The following POU2F2 variants were observed in gnomAD, a reference collection of about 807,000 sequenced individuals.
The protein encoded by POU2F2 is POU domain, class 2, transcription factor 2.
Under a neutral mutation model 63.5 loss-of-function variants are expected in POU2F2, and 14 were observed. That is an observed-to-expected ratio of 0.22 (90% CI 0.15 to 0.34). The LOEUF (loss-of-function observed/expected upper bound fraction) is 0.34, where lower values mean the gene tolerates loss of function less well. POU2F2 is among the 10% of genes least tolerant of loss of function. POU2F2 has a pLI of 1.00. For synonymous variants in POU2F2, 306 were observed against 348.6 expected (o/e 0.88, Z 1.36); for missense variants, 607 against 815.2 (o/e 0.74, Z 3.11).
chr19:42,095,263 C>T lies in POU2F2; in HGVS notation c.1197+23G>A. On this transcript the variant is annotated intron_variant, in intron 11 of 14. Coordinates refer to ENST00000692977, the MANE Select transcript of POU2F2 (RefSeq NM_001394376.1). This position sits in a 1 kb window ranked among gnomAD's most constrained non-coding sequence, Gnocchi z 7.1. ...CCTGCGGAGCTCTGTGGTCTCCCCACCCCCCAGGCGGGCTCTTGGTACCAT... is the reference window on the plus strand; with the variant it reads ...CCTGCGGAGCTCTGTGGTCTCCCCATCCCCCAGGCGGGCTCTTGGTACCAT... 1 of 1,602,132 alleles carries T rather than the reference C, an allele frequency of 6.2e-7. No individual in the cohort carries two copies. Among genetic ancestry groups the T allele is most frequent in the East Asian group, 2.2e-5 (1 of 44,662 alleles).
intron 1 of POU2F2, among the ~76,000 whole-genome samples, chr19:42,195,023 G>A (rs1364469058): frequency 1.2e-5 from 1 of 81,030 alleles, no homozygotes; most frequent in African/African-American, 4.7e-5. Context: ...GGGAGGGAGG[G>A]AGGAACGAAG....
At chr19:42,146,602 C>T (rs1275561958) in intron 2 of POU2F2, among the ~76,000 whole-genome samples, 2 of 152,098 alleles carry the variant, frequency 1.3e-5, no homozygotes, top group East Asian at 3.9e-4. Context: ...AATCTACTCG[C>T]TCCCTACACC....
rs556462678 is a variant in POU2F2, at chr19:42,187,907, C to T, written c.-70+8476G>A. Among the ~76,000 whole-genome samples the T allele has an allele frequency of 2.8e-4, 43 of 152,098 alleles. No homozygotes were observed. In the South Asian group the frequency reaches 6.4e-3, roughly 23 times the overall value. On this transcript the variant is annotated intron_variant, in intron 1 of 5. Coordinates refer to the POU2F2 transcript ENST00000532176. ...GGCCACCCCTAAGAGGTCCCAGTGA[C>T]CCCTGCCTCCTGATACTCATGTCCT...
chr19:42,117,323 G>A lies in POU2F2; in HGVS notation c.296C>T (p.Pro99Leu), dbSNP rs1189385113. The A allele has an allele frequency of 4.6e-6, 7 of 1,526,896 alleles. No individual in the cohort carries two copies. The highest frequency in any genetic ancestry group is 5.2e-6 in the Non-Finnish European group (6 of 1,148,874). The allele number at this position is 1,526,896 out of a possible 1,614,324, so 94.6% of individuals were successfully genotyped here. A position where few individuals can be genotyped will look rare whatever the true frequency, so the allele number is the denominator to read the frequency against. ...DPSGDSAPAA[P>L]LPPQPAQPHL... ...AGGCTGGGCCGGCTGAGGGGGCAGG[G>A]GTGCTGCTGGGGCTGAATCGCCACT... The change falls in exon 5 of 15, where the codon CCC becomes CTC. Residue 99 changes from proline (P) to leucine (L), a missense_variant. This residue lies in a region of POU2F2 where 224 missense variants were observed against 264.3 expected (regional missense o/e 0.85). Transcript: ENST00000692977. This position sits in a 1 kb window ranked among gnomAD's most constrained non-coding sequence, Gnocchi z 4.4.
chr19:42,111,337 G>A (rs1391192581), intron 5 of POU2F2, among the ~76,000 whole-genome samples: 1 of 151,470 alleles, frequency 6.6e-6, no homozygotes, highest in African/African-American at 2.4e-5. Context: ...GGCTAGTCTC[G>A]AACTCGCCTC....
At chr19:42,166,835 G>A (rs1208839306) in intron 1 of POU2F2, among the ~76,000 whole-genome samples, 2 of 152,102 alleles carry the variant, frequency 1.3e-5, no homozygotes, top group Non-Finnish European at 2.9e-5. Flanking sequence ...TGCTCACCCT[G>A]AAGGTGAGCT....
Position 42,163,643 on chromosome 19 carries a change from C to T in POU2F2, c.-69-3251G>A, listed in dbSNP as rs562413148. Among the ~76,000 whole-genome samples the T allele has an allele frequency of 2.0e-5, 3 of 152,284 alleles. No homozygotes were observed. The East Asian group carries it at 5.8e-4, about 29-fold the overall frequency. Reference sequence around the variant, plus strand: ...TCCCTCAGTCCCTCCCTGAGGGAGGCCAGGGACTGTTGCTGGCACCCAAGT... The same window carrying T: ...TCCCTCAGTCCCTCCCTGAGGGAGGTCAGGGACTGTTGCTGGCACCCAAGT... On this transcript the variant is annotated intron_variant, in intron 1 of 6. Coordinates refer to the POU2F2 transcript ENST00000524801.
rs2076687927 is a variant in POU2F2 at position 42,090,924 on chromosome 19, T to C, written c.*333A>G. ...GTCGTAGCAGTGAGGGTGAGCACGC[T>C]GAGGTCTGGCTCGCGACTGGTTTTT... On this transcript the variant is annotated 3_prime_UTR_variant, in exon 15 of 15. Coordinates refer to ENST00000692977, the MANE Select transcript of POU2F2 (RefSeq NM_001394376.1). The surrounding 1 kb of genome is among the most constrained non-coding windows in gnomAD (Gnocchi z 4.4). The C allele has an allele frequency of 4.8e-6, 1 of 208,592 alleles. No homozygotes were observed. Among genetic ancestry groups the C allele is most frequent in the East Asian group, 1.2e-4 (1 of 8,558 alleles). The allele number at this position is 208,592 out of a possible 1,614,324, so 12.9% of individuals were successfully genotyped here.
intron 1 of POU2F2, among the ~76,000 whole-genome samples, chr19:42,192,523 G>C (rs1362109578): frequency 6.6e-6 from 1 of 152,184 alleles, no homozygotes; most frequent in Non-Finnish European, 1.5e-5. Context: ...GAGGGAAACA[G>C]AAAAGTCTAC....
At chr19:42,195,593 A>G (rs867528776) in intron 1 of POU2F2, among the ~76,000 whole-genome samples, 13 of 151,192 alleles carry the variant, frequency 8.6e-5, no homozygotes, top group African/African-American at 2.7e-4. Flanking sequence ...CAGCCTCTCA[A>G]AGTGCTAGGA....
chr19:42,187,297 C>G (rs2035022822), intron 1 of POU2F2, among the ~76,000 whole-genome samples: 1 of 152,060 alleles, frequency 6.6e-6, no homozygotes, highest in Admixed American at 6.5e-5. Flanking sequence ...AACCCCGTCT[C>G]TACTAAAAAT....
At chr19:42,120,320 A>G (rs532442798) in intron 4 of POU2F2, among the ~76,000 whole-genome samples, 1 of 151,332 alleles carries the variant, frequency 6.6e-6, no homozygotes, top group Admixed American at 6.6e-5. Flanking sequence ...GGGCACAAGC[A>G]ATTCTCCACA....
At chr19:42,150,290 G>A (rs115123972) in intron 2 of POU2F2, among the ~76,000 whole-genome samples, 1 of 151,906 alleles carries the variant, frequency 6.6e-6, no homozygotes, top group East Asian at 1.9e-4. Flanking sequence ...GGCCTAGATG[G>A]GGGGTGGAAG....
chr19:42,103,155 G>T (rs1242622029), intron 5 of POU2F2, among the ~76,000 whole-genome samples: 1 of 151,950 alleles, frequency 6.6e-6, no homozygotes. Context: ...CCCTCTCAGA[G>T]ATGCCCTCTT....
chr19:42,140,058 T>C (rs2034096578), intron 2 of POU2F2, among the ~76,000 whole-genome samples: 1 of 152,214 alleles, frequency 6.6e-6, no homozygotes, highest in African/African-American at 2.4e-5. Flanking sequence ...CTGGCTTGTG[T>C]GAGTCTCATT....
At chr19:42,126,598 C>T (rs1191191104) in intron 1 of POU2F2, among the ~76,000 whole-genome samples, 3 of 152,198 alleles carry the variant, frequency 2.0e-5, no homozygotes, top group Non-Finnish European at 2.9e-5. Flanking sequence ...CTTTAACTTA[C>T]AGCCTCCGTA....
intron 1 of POU2F2, among the ~76,000 whole-genome samples, chr19:42,186,306 C>T (rs951513521): frequency 6.6e-6 from 1 of 151,964 alleles, no homozygotes; most frequent in Middle Eastern, 3.2e-3. Flanking sequence ...GCCAGGCTAC[C>T]CTGGCTGGAC....
rs1213126972 is a variant in POU2F2, at chr19:42,089,831, T to C, written c.*1426A>G. ...TTCAAAACTTTGTTGGCCTCCACAA[T>C]AGCAGGAGGGCAGGGTGGCTCCCAG... is the stretch of plus-strand genomic sequence containing the variant. On this transcript the variant is annotated 3_prime_UTR_variant, in exon 15 of 15. Coordinates refer to ENST00000692977, the MANE Select transcript of POU2F2 (RefSeq NM_001394376.1). The C allele has an allele frequency of 1.3e-5, 2 of 152,028 alleles. No homozygotes were observed. Among genetic ancestry groups the C allele is most frequent in the East Asian group, 1.9e-4 (1 of 5,190 alleles). 9.4% of individuals were successfully genotyped at this position (152,028 alleles called of 1,614,324 possible).
intron 2 of POU2F2, among the ~76,000 whole-genome samples, chr19:42,144,174 T>C (rs554633510): frequency 1.3e-5 from 2 of 152,354 alleles, no homozygotes; most frequent in South Asian, 4.1e-4. Flanking sequence ...TACTTATTTT[T>C]AATAATGAGT....
Sources: gnomAD v4.1 joint callset for allele counts (sites outside exome capture counted in the v4.1 genomes callset) on GRCh38, gnomAD v4.1.1 for gene constraint, gnomAD v4.1.1 regional missense constraint, Gnocchi (gnomAD v3.1) non-coding constraint, MANE v1.5 for transcripts, NCBI Gene and HGNC (gene_info 2026-07-23, HGNC 2026-07-21) for gene names.